Variants in TMPRSS5 observed in about 807,000 individuals in gnomAD.
TMPRSS5 encodes the protein transmembrane serine protease 5.
Under a neutral mutation model 59.7 loss-of-function variants are expected in TMPRSS5, and 45 were observed. The observed-to-expected ratio is 0.75, with a 90% CI of 0.59 to 0.97. The LOEUF (loss-of-function observed/expected upper bound fraction) is 0.97. Among genes scored for constraint, TMPRSS5 ranks in the 50% least tolerant of loss-of-function variants. The probability of loss-of-function intolerance (pLI) is 0.00; values close to 1 mark genes in which losing one functional copy is unlikely to be tolerated. For synonymous variants in TMPRSS5, 225 were observed against 232.0 expected (o/e 0.97, Z 0.27); for missense variants, 585 against 596.7 (o/e 0.98, Z 0.20).
At chr11:113,695,310 G>A (rs1591379786) in intron 7 of TMPRSS5, 90 bp downstream of exon 7, 1 of 1,429,806 alleles carries the variant, frequency 7.0e-7, no homozygotes, top group Non-Finnish European at 9.8e-7. Flanking sequence ...AGGCCCAGCA[G>A]AGTCTCACCA....
intron 1 of TMPRSS5, among the ~76,000 whole-genome samples, chr11:113,701,767 C>T (rs1471276627): frequency 2.9e-5 from 4 of 140,334 alleles, no homozygotes; most frequent in African/African-American, 1.1e-4. Flanking sequence ...AACCATGTGA[C>T]ATATAGTCTT....
intron 11 of TMPRSS5, 132 bp from the exon 12 acceptor site, chr11:113,690,049 C>T (rs967275594): frequency 8.0e-7 from 1 of 1,249,740 alleles, no homozygotes. Flanking sequence ...ATCTGCTGGC[C>T]TCACCCCTCC....
intron 1 of TMPRSS5, among the ~76,000 whole-genome samples, chr11:113,703,451 G>A (rs934802469): frequency 6.6e-6 from 1 of 152,144 alleles, no homozygotes; most frequent in Non-Finnish European, 1.5e-5. Flanking sequence ...TGTCTCAAAT[G>A]AGACTTTGGA....
chr11:113,691,789 G>A (rs893753697), intron 9 of TMPRSS5, among the ~76,000 whole-genome samples: 3 of 150,196 alleles, frequency 2.0e-5, no homozygotes, highest in African/African-American at 7.3e-5. Flanking sequence ...TACTACAGTA[G>A]ATACTCATGT....
rs866133996 is a variant in TMPRSS5, at chr11:113,699,268, T to C, written c.206-241A>G. Among the ~76,000 whole-genome samples the C allele has an allele frequency of 6.8e-3, 451 of 66,578 alleles. 6 individuals are homozygous for C. Among genetic ancestry groups the C allele is most frequent in the East Asian group, 9.3e-3 (16 of 1,716 alleles). 43.7% of individuals were successfully genotyped at this position (66,578 alleles called of 152,430 possible). Reference sequence around the variant, plus strand: ...CTCTCTCTCTCTCTCTCTCTCTCTCTCTCCCTCTCTCTCTCTCTCTCTCTG... The same window carrying C: ...CTCTCTCTCTCTCTCTCTCTCTCTCCCTCCCTCTCTCTCTCTCTCTCTCTG... On this transcript the variant is annotated intron_variant, in intron 3 of 12. Transcript: ENST00000299882.
intron 4 of TMPRSS5, among the ~76,000 whole-genome samples, chr11:113,697,878 G>T (rs550463160): frequency 7.6e-4 from 116 of 152,246 alleles, no homozygotes; most frequent in African/African-American, 2.7e-3. Context: ...ACTGACTCAT[G>T]TCCCCGCCCC....
intron 1 of TMPRSS5, among the ~76,000 whole-genome samples, chr11:113,705,688 C>A (rs1258583411): frequency 1.3e-5 from 2 of 152,210 alleles, no homozygotes; most frequent in Admixed American, 6.5e-5. Flanking sequence ...GTTTGGATTT[C>A]TTCTCTGGGG....
intron 6 of TMPRSS5, among the ~76,000 whole-genome samples, chr11:113,696,584 C>A (rs186192642): frequency 2.6e-4 from 40 of 152,306 alleles, no homozygotes; most frequent in Admixed American, 2.4e-3. Flanking sequence ...AGTTTCCTAA[C>A]CTGTAAAATG....
At chr11:113,704,204 T>TA (rs112907506) in intron 1 of TMPRSS5, among the ~76,000 whole-genome samples, 7 of 151,798 alleles carry the variant, frequency 4.6e-5, no homozygotes, top group African/African-American at 9.7e-5. Flanking sequence ...AATAAGATCT[T>TA]AAAAAAAACA....
intron 9 of TMPRSS5, among the ~76,000 whole-genome samples, chr11:113,691,394 T>A (rs2134786818): frequency 6.6e-6 from 1 of 152,330 alleles, no homozygotes; most frequent in African/African-American, 2.4e-5. Flanking sequence ...TTTTCAATTC[T>A]CTTTCAGTCC....
chr11:113,698,976 TC>T lies in TMPRSS5; in HGVS notation c.256del (p.Asp86MetfsTer4). On this transcript the variant is annotated frameshift_variant, in exon 4 of 13. Coordinates refer to ENST00000299882, the MANE Select transcript of TMPRSS5 (RefSeq NM_030770.4). LOFTEE classifies it high-confidence loss of function. ...ASQPISGTLQ[D>X]EEITLSCSEA... is the part of the protein sequence containing the mutation. ...TGAGCAGCTCAAAGTTATCTCCTCATCCTGCAAGGTCCCGGAAATGGGCTGA... is the reference window on the plus strand; with the variant it reads ...TGAGCAGCTCAAAGTTATCTCCTCATCTGCAAGGTCCCGGAAATGGGCTGA... 1 of 1,607,862 alleles carries T rather than the reference TC, an allele frequency of 6.2e-7. No homozygotes were observed. Among genetic ancestry groups the T allele is most frequent in the Non-Finnish European group, 8.5e-7 (1 of 1,177,336 alleles).
At chr11:113,690,445 G>GTAATT in intron 10 of TMPRSS5, 72 bp from the exon 11 acceptor site, 2 of 1,533,254 alleles carry the variant, frequency 1.3e-6, no homozygotes, top group Admixed American at 4.5e-5. Flanking sequence ...AAGAGGGGAG[G>GTAATT]TAATTCGAAG....
chr11:113,703,927 C>T (rs1381419504), intron 1 of TMPRSS5, among the ~76,000 whole-genome samples: 1 of 152,188 alleles, frequency 6.6e-6, no homozygotes, highest in East Asian at 1.9e-4. Flanking sequence ...TTCTTCATAG[C>T]AGTGTGAGAA....
At position 113,693,042 on chromosome 11, in the gene TMPRSS5, G is replaced by A. The variant is rs908865591; in HGVS notation, c.964+29C>T. 3 of 1,410,282 alleles carry A rather than the reference G, an allele frequency of 2.1e-6. No homozygotes were observed. In the African/African-American group the frequency reaches 4.3e-5, roughly 20 times the overall value. The allele number at this position is 1,410,282 out of a possible 1,614,324, so 87.4% of individuals were successfully genotyped here. ...CCGCCCTCTCTCGCCATAGTCTCCA[G>A]CCTGCCCACCCTCAAGCCAGTGCCG... On this transcript the variant is annotated intron_variant, in intron 9 of 12. Coordinates refer to ENST00000299882, the MANE Select transcript of TMPRSS5 (RefSeq NM_030770.4).
At chr11:113,691,491 A>G (rs190355581) in intron 9 of TMPRSS5, among the ~76,000 whole-genome samples, 3 of 152,308 alleles carry the variant, frequency 2.0e-5, no homozygotes, top group East Asian at 3.9e-4. Context: ...AACAGGAGAC[A>G]GCACGCCCAG....
At chr11:113,698,224 C>T (rs1358726251) in intron 4 of TMPRSS5, among the ~76,000 whole-genome samples, 4 of 150,406 alleles carry the variant, frequency 2.7e-5, no homozygotes, top group Non-Finnish European at 2.9e-5. Flanking sequence ...TTAAACCACC[C>T]GGTCTGTGGT....
intron 11 of TMPRSS5, 131 bp downstream of exon 11, chr11:113,690,100 C>G (rs554791469): frequency 7.4e-7 from 1 of 1,357,278 alleles, no homozygotes; most frequent in Non-Finnish European, 9.9e-7. Context: ...CTAGGTGCCC[C>G]TCCTTCTAGA....
rs752850140 is a variant in TMPRSS5, at chr11:113,698,990, G to A, written c.243C>T (p.Ser81=). Reference sequence around the variant, plus strand: ...TTATCTCCTCATCCTGCAAGGTCCCGGAAATGGGCTGAGAGGCAGCAGGAC... The same window carrying A: ...TTATCTCCTCATCCTGCAAGGTCCCAGAAATGGGCTGAGAGGCAGCAGGAC... ...YLCPAASQPI[S]GTLQDEEITL... Residue 81 remains serine (S), a synonymous_variant, in exon 4 of 13, where the codon TCC becomes TCT. Coordinates refer to ENST00000299882, the MANE Select transcript of TMPRSS5 (RefSeq NM_030770.4). 40 of 1,610,440 alleles carry A rather than the reference G, an allele frequency of 2.5e-5. No individual in the cohort carries two copies. The highest frequency in any genetic ancestry group is 4.4e-5 in the South Asian group (4 of 89,924).
At chr11:113,696,823 G>A (rs1225500309) in intron 6 of TMPRSS5, 35 bp downstream of exon 6, 1 of 1,444,354 alleles carries the variant, frequency 6.9e-7, no homozygotes, top group African/African-American at 1.4e-5. Context: ...AGGAAGTAAG[G>A]GACCCCACTC....
Sources: allele counts gnomAD v4.1 joint callset (sites outside exome capture counted in the v4.1 genomes callset), GRCh38; gene constraint gnomAD v4.1.1; transcripts MANE v1.5; gene names NCBI Gene and HGNC (gene_info 2026-07-23, HGNC 2026-07-21).